Variants in SLC13A3 observed in about 807,000 individuals in gnomAD.
SLC13A3 encodes Na(+)/dicarboxylate cotransporter 3.
SLC13A3 carries 40 observed loss-of-function variants against 59.0 expected under a neutral mutation model. The observed-to-expected ratio is 0.68, with a 90% confidence interval of 0.53 to 0.88. The LOEUF (loss-of-function observed/expected upper bound fraction) is 0.88. Ranked by LOEUF, SLC13A3 falls within the 40% of genes least tolerant of loss-of-function variation. The probability of loss-of-function intolerance (pLI) is 0.00; values close to 1 mark genes in which losing one functional copy is unlikely to be tolerated. For synonymous variants in SLC13A3, 317 were observed against 330.3 expected (o/e 0.96, Z 0.44); for missense variants, 699 against 783.2 (o/e 0.89, Z 1.28).
intron 2 of SLC13A3, among the ~76,000 whole-genome samples, 195 bp downstream of exon 2, chr20:46,613,265 G>C (rs1001041802): frequency 6.6e-6 from 1 of 151,342 alleles, no homozygotes; most frequent in Non-Finnish European, 1.5e-5. Flanking sequence ...CTAGTGCTGT[G>C]TCTAGCATGC....
chr20:46,612,063 T>G (rs1310954566), intron 2 of SLC13A3, among the ~76,000 whole-genome samples: 1 of 15,010 alleles, frequency 6.7e-5, no homozygotes, highest in Non-Finnish European at 9.5e-5. Context: ...TGACATTTTC[T>G]CTTTCTTTTT....
intron 1 of SLC13A3, among the ~76,000 whole-genome samples, chr20:46,667,352 G>A (rs1391849886): frequency 6.6e-6 from 1 of 152,172 alleles, no homozygotes; most frequent in Non-Finnish European, 1.5e-5. Context: ...AAGTCTGAGT[G>A]GAGGCAGCTG....
upstream of SLC13A3, among the ~76,000 whole-genome samples, chr20:46,655,320 CAT>C (rs1195962365): frequency 2.7e-5 from 4 of 150,064 alleles, no homozygotes; most frequent in Non-Finnish European, 5.9e-5. Flanking sequence ...CATATATACA[CAT>C]AGATATGTTC....
At chr20:46,649,326 C>A (rs1376377263) in intron 1 of SLC13A3, among the ~76,000 whole-genome samples, 3 of 152,138 alleles carry the variant, frequency 2.0e-5, no homozygotes, top group African/African-American at 7.2e-5. Flanking sequence ...AGCTTCAGAC[C>A]TCTCCCAAGC....
intron 1 of SLC13A3, among the ~76,000 whole-genome samples, chr20:46,614,485 A>G (rs1296153571): frequency 3.3e-5 from 5 of 152,210 alleles, no homozygotes; most frequent in African/African-American, 1.2e-4. Context: ...GGAAGCTACT[A>G]GTGTGTGCGG....
chr20:46,674,604 C>CGCGCGCGCGCGTGT (rs370861850), upstream of SLC13A3, among the ~76,000 whole-genome samples: 9 of 127,880 alleles, frequency 7.0e-5, no homozygotes, highest in African/African-American at 2.8e-4. Context: ...CGCGCGCGCG[C>CGCGCGCGCGCGTGT]GTGTGTGTGT....
intron 5 of SLC13A3, 66 bp from the exon 6 acceptor site, chr20:46,592,595 G>A (rs990547830): frequency 6.4e-7 from 1 of 1,553,594 alleles, no homozygotes; most frequent in Non-Finnish European, 8.9e-7. Flanking sequence ...GTGGGAGAGG[G>A]GACCAGGCAG....
At chr20:46,649,047 C>T (rs192416340) in intron 1 of SLC13A3, among the ~76,000 whole-genome samples, 45 of 152,150 alleles carry the variant, frequency 3.0e-4, no homozygotes, top group Non-Finnish European at 5.6e-4. Context: ...GCTGAGTTTC[C>T]GTTTCTTCAC....
chr20:46,648,058 C>T (rs1253769433), intron 1 of SLC13A3, among the ~76,000 whole-genome samples: 1 of 152,166 alleles, frequency 6.6e-6, no homozygotes, highest in African/African-American at 2.4e-5. Context: ...AATTGCCCAG[C>T]AAGCATGTTT....
Position 46,588,045 on chromosome 20 carries a change from C to A in SLC13A3, c.1121+14G>T. 6.5e-7 allele frequency: 1 copy of A among 1,539,454 alleles called. No individual in the cohort carries two copies. The highest frequency in any genetic ancestry group is 8.9e-7 in the Non-Finnish European group (1 of 1,121,448). On this transcript the variant is annotated intron_variant, in intron 8 of 12. Transcript: ENST00000279027. Reference sequence around the variant, plus strand: ...CCCTGTTGGACTCCTCCCTGTGGGTCCCCAGAGTCTCACCCAGGATTGAAG... The same window carrying A: ...CCCTGTTGGACTCCTCCCTGTGGGTACCCAGAGTCTCACCCAGGATTGAAG...
Position 46,561,664 on chromosome 20 carries a change from T to TTG in SLC13A3, c.1633-1467_1633-1466insCA, listed in dbSNP as rs948902757. ...TTCTTATTCAAGTTTTTTTTTGTTT[T>TTG]TTTTTTTTAATGTCAAGCTGATTTA... On this transcript the variant is annotated intron_variant, in intron 12 of 12. Coordinates refer to ENST00000279027, the MANE Select transcript of SLC13A3 (RefSeq NM_022829.6). Among the ~76,000 whole-genome samples, 9 of 152,030 alleles carry TTG rather than the reference T, an allele frequency of 5.9e-5. 1 individual carries two copies. In the South Asian group the frequency reaches 1.2e-3, roughly 21 times the overall value.
At chr20:46,625,615 A>G (rs557887654) in intron 1 of SLC13A3, among the ~76,000 whole-genome samples, 6 of 152,346 alleles carry the variant, frequency 3.9e-5, no homozygotes, top group African/African-American at 1.2e-4. Flanking sequence ...TGCCCCTTTC[A>G]GGTCAATTCC....
intron 9 of SLC13A3, among the ~76,000 whole-genome samples, chr20:46,580,921 T>G (rs2062129919): frequency 6.6e-6 from 1 of 152,182 alleles, no homozygotes; most frequent in Admixed American, 6.5e-5. Flanking sequence ...ACCTAAAAGT[T>G]AACACCCTTA....
intron 3 of SLC13A3, 118 bp downstream of exon 3, chr20:46,610,328 G>A (rs1299117105): frequency 1.5e-5 from 13 of 886,478 alleles, no homozygotes; most frequent in African/African-American, 6.7e-5. Context: ...AACACCTGAC[G>A]CATAGTAGGT....
intron 1 of SLC13A3, among the ~76,000 whole-genome samples, chr20:46,668,763 G>A (rs2063074806): frequency 6.6e-6 from 1 of 152,228 alleles, no homozygotes; most frequent in Admixed American, 6.5e-5. Context: ...CTAAGTTGAA[G>A]TTCTGCTCAT....
intron 1 of SLC13A3, among the ~76,000 whole-genome samples, chr20:46,632,288 C>A (rs985945980): frequency 6.6e-6 from 1 of 152,162 alleles, no homozygotes; most frequent in African/African-American, 2.4e-5. Context: ...ACTGAGCCTG[C>A]GAAGTGCCAG....
intron 3 of SLC13A3, among the ~76,000 whole-genome samples, chr20:46,605,867 G>A (rs570354796): frequency 1.7e-4 from 26 of 152,122 alleles, no homozygotes; most frequent in Non-Finnish European, 3.5e-4. Flanking sequence ...TTAGGTAAAC[G>A]GCAATCCAGG....
chr20:46,623,101 C>T (rs570706449), intron 1 of SLC13A3, among the ~76,000 whole-genome samples: 3 of 152,258 alleles, frequency 2.0e-5, no homozygotes, highest in East Asian at 3.9e-4. Flanking sequence ...CTTCCCAATT[C>T]ATTTTATGAG....
intron 10 of SLC13A3, among the ~76,000 whole-genome samples, chr20:46,574,725 C>T (rs1042787158): frequency 6.6e-6 from 1 of 152,106 alleles, no homozygotes; most frequent in Non-Finnish European, 1.5e-5. Context: ...GGTACTGTAT[C>T]TCTCTGTGTC....
Sources: gnomAD v4.1 joint callset for allele counts (sites outside exome capture counted in the v4.1 genomes callset) on GRCh38, gnomAD v4.1.1 for gene constraint, MANE v1.5 for transcripts, NCBI Gene and HGNC (gene_info 2026-07-23, HGNC 2026-07-21) for gene names.